Variants in BMS1 observed in about 807,000 individuals in gnomAD.
The protein encoded by BMS1 is BMS1 ribosome biogenesis factor, also known as ribosome biogenesis protein BMS1 homolog.
Under a neutral mutation model 138.7 loss-of-function variants are expected in BMS1, and 53 were observed. The observed-to-expected ratio is 0.38, with a 90% CI of 0.31 to 0.48. BMS1 has a LOEUF of 0.48. Among genes scored for constraint, BMS1 ranks in the 20% least tolerant of loss-of-function variants. The pLI, the probability that BMS1 is intolerant of heterozygous loss-of-function variation, is 0.97. For synonymous variants in BMS1, 504 were observed against 539.9 expected (o/e 0.93, Z 0.92); for missense variants, 1,360 against 1,565.5 (o/e 0.87, Z 2.22).
At chr10:42,822,666 G>A (rs944296915) in intron 19 of BMS1, among the ~76,000 whole-genome samples, 8 of 152,160 alleles carry the variant, frequency 5.3e-5, no homozygotes, top group African/African-American at 1.9e-4. Flanking sequence ...TCATTAGTGG[G>A]GATGTTTCTA....
chr10:42,790,465 A>G lies in BMS1; in HGVS notation c.590A>G (p.Lys197Arg). The G allele has an allele frequency of 6.2e-7, 1 of 1,614,004 alleles. No homozygotes were observed. Among genetic ancestry groups the G allele is most frequent in the Non-Finnish European group, 8.5e-7 (1 of 1,179,858 alleles). ...TTCAAGCATAATAAGCAACTGAAGA[A>G]GACAAAGAAGCGATTAAAACACAGG... ...DSFKHNKQLK[K>R]TKKRLKHRFW... The change falls in exon 5 of 23, where the codon AAG (lysine) becomes AGG (arginine). Residue 197 changes from lysine to arginine, a missense_variant. By Grantham distance (26) the Lys-to-Arg change is conservative (BLOSUM62 2). Transcript: ENST00000374518.
At chr10:42,830,183 GAGA>G in intron 21 of BMS1, 75 bp from the exon 22 acceptor site, 1 of 1,537,682 alleles carries the variant, frequency 6.5e-7, no homozygotes, top group Non-Finnish European at 8.9e-7. Context: ...TCAACCCATT[GAGA>G]AGATTTTATG....
At chr10:42,816,783 A>G in intron 14 of BMS1, 111 bp downstream of exon 14, 1 of 795,112 alleles carries the variant, frequency 1.3e-6, no homozygotes, top group Non-Finnish European at 1.9e-6. Flanking sequence ...CTGGATAGAT[A>G]GATTCCTTCC....
intron 5 of BMS1, among the ~76,000 whole-genome samples, 198 bp downstream of exon 5, chr10:42,790,709 G>T: frequency 6.6e-6 from 1 of 152,124 alleles, no homozygotes; most frequent in Admixed American, 6.5e-5. Flanking sequence ...AATTAGTCCG[G>T]TGTGGTGGCG....
chr10:42,818,692 G>C (rs564611583), intron 15 of BMS1, among the ~76,000 whole-genome samples: 38 of 152,344 alleles, frequency 2.5e-4, no homozygotes, highest in African/African-American at 8.4e-4. Flanking sequence ...TGAAATGTCA[G>C]GTCTGGAGAG....
chr10:42,783,917 A>G (rs17429275), intron 1 of BMS1, among the ~76,000 whole-genome samples: 9,762 of 152,282 alleles, frequency 0.064, 457 homozygotes, highest in Non-Finnish European at 0.092. Flanking sequence ...TCATCAGTCC[A>G]GTTGATACCT....
At chr10:42,816,308 A>C (rs1261527912) in intron 13 of BMS1, among the ~76,000 whole-genome samples, 2 of 152,122 alleles carry the variant, frequency 1.3e-5, no homozygotes, top group Non-Finnish European at 2.9e-5. Context: ...CCAAAAATAA[A>C]AAACAAAAAC....
In BMS1 at chr10:42,790,447, A is replaced by G; in HGVS notation, c.572A>G (p.His191Arg). Residue 191 changes from histidine to arginine, a missense_variant, in exon 5 of 23, where the codon CAT becomes CGT. Physicochemically the swap from His to Arg is conservative, Grantham distance 29. This residue lies in a region of BMS1 where 238 missense variants were observed against 311.1 expected (regional missense o/e 0.77). Transcript: ENST00000374518. Reference protein sequence around the residue: ...GVLTHLDSFKHNKQLKKTKKR... With the variant: ...GVLTHLDSFKRNKQLKKTKKR... ...CTCACCCACCTCGACTCCTTCAAGC[A>G]TAATAAGCAACTGAAGAAGACAAAG... The G allele has an allele frequency of 6.2e-7, 1 of 1,614,026 alleles. No homozygotes were observed. The highest frequency in any genetic ancestry group is 8.5e-7 in the Non-Finnish European group (1 of 1,179,876).
chr10:42,815,789 T>A (rs1184415444), intron 13 of BMS1, among the ~76,000 whole-genome samples: 2 of 152,202 alleles, frequency 1.3e-5, no homozygotes, highest in African/African-American at 4.8e-5. Context: ...GTGAATAAGC[T>A]CTTCCCATGG....
At chr10:42,829,697 C>G (rs1842748082) in intron 21 of BMS1, among the ~76,000 whole-genome samples, 1 of 152,032 alleles carries the variant, frequency 6.6e-6, no homozygotes, top group African/African-American at 2.4e-5. Flanking sequence ...TGGTGTGTGC[C>G]TGTAGTCCCA....
chr10:42,807,222 G>A lies in BMS1; in HGVS notation c.2329+5004G>A, dbSNP rs113773171. Among the ~76,000 whole-genome samples, 800 of 152,234 alleles carry A rather than the reference G, an allele frequency of 5.3e-3. 7 individuals are homozygous for A. The highest frequency in any genetic ancestry group is 0.018 in the African/African-American group (736 of 41,524). ...TCCCCAGCCCCCAGTTCCTTCCCTTGTGAACCATAATGTGTTTTCTGTTTC... is the reference window on the plus strand; with the variant it reads ...TCCCCAGCCCCCAGTTCCTTCCCTTATGAACCATAATGTGTTTTCTGTTTC... On this transcript the variant is annotated intron_variant, in intron 13 of 22. Coordinates refer to ENST00000374518, the MANE Select transcript of BMS1 (RefSeq NM_014753.4).
Position 42,820,364 on chromosome 10 carries a change from C to A in BMS1, c.2709C>A (p.Pro903=). Reference sequence around the variant, plus strand: ...GTGAATTTGTGCAGAACTTTGACCCCCATTACCCCATTATCCTGGGTGGCT... The same window carrying A: ...GTGAATTTGTGCAGAACTTTGACCCACATTACCCCATTATCCTGGGTGGCT... The part of the protein sequence containing the change: ...VPCEFVQNFD[P]HYPIILGGLG... Residue 903 remains proline (P), a synonymous_variant, in exon 16 of 23, where the codon CCC becomes CCA. Transcript: ENST00000374518. The A allele has an allele frequency of 6.2e-7, 1 of 1,613,756 alleles. No individual in the cohort carries two copies. The highest frequency in any genetic ancestry group is 1.3e-5 in the African/African-American group (1 of 75,004).
intron 4 of BMS1, among the ~76,000 whole-genome samples, chr10:42,787,509 A>G (rs1239282139): frequency 6.6e-6 from 1 of 152,242 alleles, no homozygotes; most frequent in Admixed American, 6.5e-5. Context: ...TTTAATGAAC[A>G]CAACTAATAA....
chr10:42,826,770 T>A (rs1588761358), intron 21 of BMS1, among the ~76,000 whole-genome samples: 3 of 152,154 alleles, frequency 2.0e-5, no homozygotes, highest in South Asian at 2.1e-4. Context: ...ACTGATTCCC[T>A]GTGAAGCAGG....
At chr10:42,819,479 A>G (rs1359344910) in intron 15 of BMS1, among the ~76,000 whole-genome samples, 1 of 152,210 alleles carries the variant, frequency 6.6e-6, no homozygotes, top group African/African-American at 2.4e-5. Flanking sequence ...CAGAGCTCTG[A>G]TAAGGCTGGA....
intron 13 of BMS1, among the ~76,000 whole-genome samples, chr10:42,805,786 A>G (rs947195234): frequency 3.3e-5 from 5 of 152,044 alleles, no homozygotes; most frequent in Admixed American, 2.6e-4. Context: ...ATATCCTGCA[A>G]TCTTGCTAAA....
chr10:42,833,128 A>G lies in BMS1; in HGVS notation c.*2032A>G, dbSNP rs1443297550. ...GGGAAATAAAAGAATGTTTAATTAC[A>G]GTTGCAGATAATTGCCTTTTCCAAA... On this transcript the variant is annotated 3_prime_UTR_variant, in exon 23 of 23. Coordinates refer to ENST00000374518, the MANE Select transcript of BMS1 (RefSeq NM_014753.4). 3 of 152,236 alleles carry G rather than the reference A, an allele frequency of 2.0e-5. No individual in the cohort carries two copies. In the East Asian group the frequency reaches 5.8e-4, roughly 29 times the overall value. 9.4% of individuals were successfully genotyped at this position (152,236 alleles called of 1,614,324 possible).
At chr10:42,793,791 C>T (rs1841586680) in intron 8 of BMS1, 61 bp from the exon 9 acceptor site, 1 of 1,540,194 alleles carries the variant, frequency 6.5e-7, no homozygotes, top group African/African-American at 1.4e-5. Context: ...CTGAGTGAAG[C>T]TCGTGTCTCT....
intron 19 of BMS1, 85 bp downstream of exon 19, chr10:42,822,269 A>G: frequency 1.2e-6 from 1 of 811,866 alleles, no homozygotes; most frequent in Non-Finnish European, 1.9e-6. Flanking sequence ...TATGGGCCTC[A>G]TATTTTTATA....
Sources: gnomAD v4.1 joint callset for allele counts (sites outside exome capture counted in the v4.1 genomes callset) on GRCh38, gnomAD v4.1.1 for gene constraint, gnomAD v4.1.1 regional missense constraint, MANE v1.5 for transcripts, NCBI Gene and HGNC (gene_info 2026-07-23, HGNC 2026-07-21) for gene names.